Variants in YWHAH observed in about 807,000 individuals in gnomAD.
The protein encoded by YWHAH is 14-3-3 protein eta.
In YWHAH, 6 loss-of-function variants were observed where a neutral mutation model predicts 22.9. That is an observed-to-expected ratio of 0.26 (90% CI 0.14 to 0.52). The LOEUF (loss-of-function observed/expected upper bound fraction) is 0.52, where lower values mean the gene tolerates loss of function less well. YWHAH is among the 20% of genes least tolerant of loss of function. The probability of loss-of-function intolerance (pLI) is 0.97; values close to 1 mark genes in which losing one functional copy is unlikely to be tolerated. For synonymous variants in YWHAH, 135 were observed against 124.5 expected, an observed-to-expected ratio of 1.08 and a Z score of -0.56; for missense variants, 173 against 308.6, an observed-to-expected ratio of 0.56 and a Z score of 3.29.
In YWHAH at chr22:31,944,667, A is replaced by G. The variant is rs1018654421; in HGVS notation, c.-67A>G. On this transcript the variant is annotated 5_prime_UTR_variant, in exon 1 of 2. Coordinates refer to ENST00000248975, the MANE Select transcript of YWHAH (RefSeq NM_003405.4). ...GGCCTCCGCAGCGACCGGGGAGCGG[A>G]CTGACCGGCGGGAGGGCTAGCGAGC... 1.6e-6 allele frequency: 2 copies of G among 1,218,312 alleles called. No homozygotes were observed. The highest frequency in any genetic ancestry group is 1.6e-5 in the African/African-American group (1 of 63,008). 75.5% of individuals were successfully genotyped at this position (1,218,312 alleles called of 1,614,324 possible).
Position 31,956,957 on chromosome 22 carries a change from T to C in YWHAH, c.*165T>C, listed in dbSNP as rs953669033. On this transcript the variant is annotated 3_prime_UTR_variant, in exon 2 of 2. Coordinates refer to ENST00000248975, the MANE Select transcript of YWHAH (RefSeq NM_003405.4). This position sits in a 1 kb window ranked among gnomAD's most constrained non-coding sequence, Gnocchi z 5.1. ...TTGGGAAGCAGTTTCAGATAAATCA[T>C]GGGCATTGCTGGACTGATGGTTGCT... is the stretch of plus-strand genomic sequence containing the variant. The C allele has an allele frequency of 1.8e-5, 16 of 875,176 alleles. No individual in the cohort carries two copies. Among genetic ancestry groups the C allele is most frequent in the African/African-American group, 3.4e-5 (2 of 59,242 alleles). 54.2% of individuals were successfully genotyped at this position (875,176 alleles called of 1,614,324 possible).
chr22:31,953,300 C>T (rs768618364), intron 1 of YWHAH, among the ~76,000 whole-genome samples: 4 of 152,160 alleles, frequency 2.6e-5, no homozygotes, highest in South Asian at 2.1e-4. Context: ...GCTCTAGAAA[C>T]GCAAGTCATT....
chr22:31,945,022 G>A, intron 1 of YWHAH: 2 of 1,114,038 alleles, frequency 1.8e-6, no homozygotes, highest in South Asian at 8.6e-5. Flanking sequence ...CAGGGTGGGG[G>A]ATCCGGGAGG....
chr22:31,944,680 A>G lies in YWHAH; in HGVS notation c.-54A>G, dbSNP rs967230994. 7.2e-6 allele frequency: 9 copies of G among 1,257,886 alleles called. No individual in the cohort carries two copies. The highest frequency in any genetic ancestry group is 9.1e-6 in the Non-Finnish European group (9 of 988,780). 77.9% of individuals were successfully genotyped at this position (1,257,886 alleles called of 1,614,324 possible). On this transcript the variant is annotated 5_prime_UTR_variant, in exon 1 of 2. Coordinates refer to ENST00000248975, the MANE Select transcript of YWHAH (RefSeq NM_003405.4). ...ACCGGGGAGCGGACTGACCGGCGGG[A>G]GGGCTAGCGAGCCAGCGGTGTGAGG...
chr22:31,956,757 G>A lies in YWHAH; in HGVS notation c.706G>A (p.Asp236Asn), dbSNP rs2149469043. The A allele has an allele frequency of 1.2e-6, 2 of 1,608,748 alleles. No homozygotes were observed. The highest frequency in any genetic ancestry group is 1.1e-5 in the South Asian group (1 of 90,348). The change falls in exon 2 of 2, where the codon GAC (aspartate) becomes AAC (asparagine). Residue 236 changes from aspartate (D) to asparagine (N), a missense_variant. Transcript: ENST00000248975. This position sits in a 1 kb window ranked among gnomAD's most constrained non-coding sequence, Gnocchi z 5.1. ...AGACAACCTCACCCTCTGGACGAGCGACCAGCAGGATGAAGAAGCAGGAGA... is the reference window on the plus strand; with the variant it reads ...AGACAACCTCACCCTCTGGACGAGCAACCAGCAGGATGAAGAAGCAGGAGA... ...LRDNLTLWTS[D>N]QQDEEAGEGN
intron 1 of YWHAH, among the ~76,000 whole-genome samples, chr22:31,955,746 C>T (rs1423644353): frequency 6.6e-6 from 1 of 152,142 alleles, no homozygotes; most frequent in African/African-American, 2.4e-5. Context: ...CCGGCCTGTT[C>T]AGAGTATCTT....
At chr22:31,945,964 C>A (rs1166394778) in intron 1 of YWHAH, among the ~76,000 whole-genome samples, 1 of 152,116 alleles carries the variant, frequency 6.6e-6, no homozygotes, top group Non-Finnish European at 1.5e-5. Context: ...AAAAAACTGC[C>A]AATACAAAGG....
At chr22:31,955,818 C>T (rs188164885) in intron 1 of YWHAH, among the ~76,000 whole-genome samples, 5 of 152,312 alleles carry the variant, frequency 3.3e-5, no homozygotes, top group Admixed American at 3.3e-4. Flanking sequence ...GCTGTACAAC[C>T]TTTTCATAAT....
At chr22:31,948,708 G>A (rs2093838524) in intron 1 of YWHAH, among the ~76,000 whole-genome samples, 1 of 152,204 alleles carries the variant, frequency 6.6e-6, no homozygotes, top group African/African-American at 2.4e-5. Flanking sequence ...TGATACTACA[G>A]TTTGAAATAT....
At chr22:31,945,692 T>C in intron 1 of YWHAH, 1 of 1,244,198 alleles carries the variant, frequency 8.0e-7, no homozygotes, top group Non-Finnish European at 1.0e-6. Flanking sequence ...AATGAATATT[T>C]CCTCTCCCTG....
intron 1 of YWHAH, among the ~76,000 whole-genome samples, chr22:31,949,522 G>GC: frequency 6.6e-6 from 1 of 151,150 alleles, no homozygotes; most frequent in South Asian, 2.1e-4. Flanking sequence ...GTGGGGGGGG[G>GC]AGTCATGCTC....
intron 1 of YWHAH, among the ~76,000 whole-genome samples, chr22:31,953,747 G>T (rs1368852237): frequency 6.6e-6 from 1 of 152,196 alleles, no homozygotes; most frequent in East Asian, 1.9e-4. Context: ...GGCTTGACCA[G>T]AGTGGAGGCA....
intron 1 of YWHAH, chr22:31,945,307 C>G: frequency 8.3e-7 from 1 of 1,206,416 alleles, no homozygotes; most frequent in Non-Finnish European, 1.1e-6. Flanking sequence ...CTGTTTTGCT[C>G]TGCTCGTTCG....
intron 1 of YWHAH, among the ~76,000 whole-genome samples, 154 bp from the exon 2 acceptor site, chr22:31,955,985 T>C (rs1015394019): frequency 1.3e-5 from 2 of 152,220 alleles, no homozygotes; most frequent in South Asian, 2.1e-4. Flanking sequence ...CATGTCTATA[T>C]TGGTTTTATC....
chr22:31,954,442 C>G (rs1366762019), intron 1 of YWHAH, among the ~76,000 whole-genome samples: 1 of 152,136 alleles, frequency 6.6e-6, no homozygotes, highest in Non-Finnish European at 1.5e-5. Flanking sequence ...TGCTTGGGCC[C>G]AGACCAACTC....
intron 1 of YWHAH, among the ~76,000 whole-genome samples, chr22:31,948,725 A>T (rs2093838545): frequency 6.6e-6 from 1 of 152,206 alleles, no homozygotes; most frequent in Non-Finnish European, 1.5e-5. Flanking sequence ...ATATGTAAAA[A>T]CTAGGGAGCT....
intron 1 of YWHAH, among the ~76,000 whole-genome samples, chr22:31,954,793 A>G (rs1277182677): frequency 6.6e-6 from 1 of 152,160 alleles, no homozygotes; most frequent in Non-Finnish European, 1.5e-5. Flanking sequence ...GACACCTGTA[A>G]TTGCACTTAG....
At chr22:31,945,668 T>C (rs2093833209) in intron 1 of YWHAH, 5 of 1,269,016 alleles carry the variant, frequency 3.9e-6, no homozygotes, top group Non-Finnish European at 4.1e-6. Context: ...CCACGTTATT[T>C]TACGTTTTCT....
chr22:31,949,136 C>CTTTTTTTT (rs760273556), intron 1 of YWHAH, among the ~76,000 whole-genome samples: 22 of 99,050 alleles, frequency 2.2e-4, no homozygotes, highest in Non-Finnish European at 3.1e-4. Context: ...ACATATTTTA[C>CTTTTTTTT]TTTTTTTTTT....
Sources: allele counts gnomAD v4.1 joint callset (sites outside exome capture counted in the v4.1 genomes callset), GRCh38; gene constraint gnomAD v4.1.1; non-coding constraint Gnocchi (gnomAD v3.1); transcripts MANE v1.5; gene names NCBI Gene and HGNC (gene_info 2026-07-23, HGNC 2026-07-21).